Variants in CIAO1 observed in about 807,000 individuals in gnomAD.
CIAO1 encodes the protein probable cytosolic iron-sulfur protein assembly protein CIAO1.
Under a neutral mutation model 43.1 loss-of-function variants are expected in CIAO1, and 32 were observed. The observed-to-expected ratio is 0.74, with a 90% CI of 0.56 to 1.00. CIAO1 has a LOEUF of 1.00. Among genes scored for constraint, CIAO1 ranks in the 50% least tolerant of loss-of-function variants. The probability of loss-of-function intolerance (pLI) is 0.00; values close to 1 mark genes in which losing one functional copy is unlikely to be tolerated. For synonymous variants in CIAO1, 183 were observed against 171.4 expected (o/e 1.07, Z -0.53); for missense variants, 415 against 437.4 (o/e 0.95, Z 0.46).
chr2:96,266,564 A>C lies in CIAO1; in HGVS notation c.139+75A>C, dbSNP rs570603573. 5 of 1,296,268 alleles carry C rather than the reference A, an allele frequency of 3.9e-6. No individual in the cohort carries two copies. In the East Asian group the frequency reaches 1.5e-4, roughly 38 times the overall value. The allele number at this position is 1,296,268 out of a possible 1,614,324, so 80.3% of individuals were successfully genotyped here. ...CGCGTAGTGCAGGCGCTCAGCCTGC[A>C]GGGGAGGCTGAACCTGTTCCTGGCG... On this transcript the variant is annotated intron_variant, in intron 1 of 6. Transcript: ENST00000488633.
At position 96,266,509 on chromosome 2, in the gene CIAO1, C is replaced by G; in HGVS notation, c.139+20C>G. On this transcript the variant is annotated intron_variant, in intron 1 of 6. Transcript: ENST00000488633. ...CGGAGGGTAAGGCCCAGCCTGGTTG[C>G]GCGGCCCTCAGCGCTGAGGGCTCAG... The G allele has an allele frequency of 4.8e-6, 7 of 1,469,292 alleles. No individual in the cohort carries two copies. Among genetic ancestry groups the G allele is most frequent in the Non-Finnish European group, 6.4e-6 (7 of 1,097,522 alleles). The allele number at this position is 1,469,292 out of a possible 1,614,324, so 91.0% of individuals were successfully genotyped here. A position where few individuals can be genotyped will look rare whatever the true frequency, so the allele number is the denominator to read the frequency against.
chr2:96,270,233 G>A (rs774005098), intron 6 of CIAO1, among the ~76,000 whole-genome samples: 3 of 152,168 alleles, frequency 2.0e-5, no homozygotes, highest in South Asian at 2.1e-4. Context: ...GGGGCCAGGC[G>A]CTGTGGCTCA....
intron 6 of CIAO1, among the ~76,000 whole-genome samples, chr2:96,269,867 G>A (rs546821836): frequency 1.3e-5 from 2 of 152,036 alleles, no homozygotes; most frequent in East Asian, 2.0e-4. Context: ...GGATGGTCTC[G>A]ATCTCCTGAC....
At position 96,272,326 on chromosome 2, in the gene CIAO1, G is replaced by A. The variant is rs1684568653; in HGVS notation, c.*975G>A. On this transcript the variant is annotated 3_prime_UTR_variant, in exon 7 of 7. Coordinates refer to ENST00000488633, the MANE Select transcript of CIAO1 (RefSeq NM_004804.3). ...TAAGCTGTGACCTTAGATTTTAGAA[G>A]GACAGTGGGGCTGTACCTAGAATAG... is the stretch of plus-strand genomic sequence containing the variant. 1 of 152,242 alleles carries A rather than the reference G, an allele frequency of 6.6e-6. No homozygotes were observed. Among genetic ancestry groups the A allele is most frequent in the African/African-American group, 2.4e-5 (1 of 41,456 alleles). 9.4% of individuals were successfully genotyped at this position (152,242 alleles called of 1,614,324 possible). A position where few individuals can be genotyped will look rare whatever the true frequency, so the allele number is the denominator to read the frequency against.
Position 96,272,012 on chromosome 2 carries a change from C to G in CIAO1, c.*661C>G, listed in dbSNP as rs1684561212. Reference sequence around the variant, plus strand: ...TATTACTGGCCACAAGCCCTGTATTCTCAACAGGGATGCAAATTGGTTCTT... The same window carrying G: ...TATTACTGGCCACAAGCCCTGTATTGTCAACAGGGATGCAAATTGGTTCTT... On this transcript the variant is annotated 3_prime_UTR_variant, in exon 7 of 7. Coordinates refer to ENST00000488633, the MANE Select transcript of CIAO1 (RefSeq NM_004804.3). 1 of 152,190 alleles carries G rather than the reference C, an allele frequency of 6.6e-6. No homozygotes were observed. The highest frequency in any genetic ancestry group is 1.5e-5 in the Non-Finnish European group (1 of 68,074). The allele number at this position is 152,190 out of a possible 1,614,324, so 9.4% of individuals were successfully genotyped here.
Position 96,272,639 on chromosome 2 carries a change from C to T in CIAO1, c.*1288C>T, listed in dbSNP as rs961835266. 2.0e-5 allele frequency: 3 copies of T among 152,004 alleles called. No individual in the cohort carries two copies. The highest frequency in any genetic ancestry group is 1.5e-5 in the Non-Finnish European group (1 of 68,006). 9.4% of individuals were successfully genotyped at this position (152,004 alleles called of 1,614,324 possible). The stretch of plus-strand genomic sequence containing the variant: ...CAGCCTGACCAACATGGAGAAACCC[C>T]GTCTCTTCTAAAAATACAAAATTAG... On this transcript the variant is annotated 3_prime_UTR_variant, in exon 7 of 7. Transcript: ENST00000488633.
At chr2:96,268,301 G>C (rs965013162) in intron 4 of CIAO1, among the ~76,000 whole-genome samples, 156 bp from the exon 5 acceptor site, 2 of 152,248 alleles carry the variant, frequency 1.3e-5, no homozygotes, top group African/African-American at 4.8e-5. Flanking sequence ...ACGGTGAGCC[G>C]AGATCGTGCT....
At chr2:96,267,531 C>A in intron 2 of CIAO1, 62 bp downstream of exon 2, 1 of 1,609,062 alleles carries the variant, frequency 6.2e-7, no homozygotes, top group Admixed American at 1.7e-5. Flanking sequence ...GGTTCAGGAA[C>A]CTGAGCCAAC....
Position 96,266,470 on chromosome 2 carries a change from C to G in CIAO1, c.120C>G (p.Ile40Met). 5 of 1,547,380 alleles carry G rather than the reference C, an allele frequency of 3.2e-6. No individual in the cohort carries two copies. Among genetic ancestry groups the G allele is most frequent in the Non-Finnish European group, 4.4e-6 (5 of 1,140,090 alleles). Residue 40 changes from isoleucine (I) to methionine (M), a missense_variant, in exon 1 of 7, where the codon ATC becomes ATG. By Grantham distance (10) the Ile-to-Met change is conservative. Coordinates refer to ENST00000488633, the MANE Select transcript of CIAO1 (RefSeq NM_004804.3). ...LLASCGGDRR[I>M]RIWGTEGDSW... ...CCTCGTGCGGCGGCGACCGGAGAAT[C>G]CGCATCTGGGGCACGGAGGGTAAGG...
At chr2:96,267,134 C>CAAAAA (rs1183454827) in intron 1 of CIAO1, among the ~76,000 whole-genome samples, 187 bp from the exon 2 acceptor site, 4 of 36,796 alleles carry the variant, frequency 1.1e-4, no homozygotes, top group Non-Finnish European at 1.4e-4. Flanking sequence ...AACTCCGTCT[C>CAAAAA]AAAAAAAAAA....
rs1439956631 is a variant in CIAO1, at chr2:96,267,864, C to CA, written c.430dup (p.Ser144LysfsTer28). 4 of 1,613,996 alleles carry CA rather than the reference C, an allele frequency of 2.5e-6. No homozygotes were observed. The highest frequency in any genetic ancestry group is 3.3e-5 in the Admixed American group (2 of 59,998). On this transcript the variant is annotated frameshift_variant, in exon 4 of 7. Transcript: ENST00000488633. LOFTEE classifies it high-confidence loss of function. ...ATGAAGAGGATGAGTATGAATGTGT[C>CA]AGTGTTCTCAACTCCCACACACAGG...
rs1326655584 is a variant in CIAO1 at position 96,271,925 on chromosome 2, C to CTG, written c.*577_*578dup. ...TCATATACCTCCCTGCACCGTTACGCTGTGATGGCAACTGGGGATAGAAAA... is the reference window on the plus strand; with the variant it reads ...TCATATACCTCCCTGCACCGTTACGCTGTGTGATGGCAACTGGGGATAGAAAA... On this transcript the variant is annotated 3_prime_UTR_variant, in exon 7 of 7. Transcript: ENST00000488633. 1 of 152,328 alleles carries CTG rather than the reference C, an allele frequency of 6.6e-6. No homozygotes were observed. The highest frequency in any genetic ancestry group is 1.5e-5 in the Non-Finnish European group (1 of 68,186). 9.4% of individuals were successfully genotyped at this position (152,328 alleles called of 1,614,324 possible).
chr2:96,267,629 T>C lies in CIAO1; in HGVS notation c.293T>C (p.Val98Ala), dbSNP rs1320532646. The C allele has an allele frequency of 6.2e-7, 1 of 1,613,994 alleles. No individual in the cohort carries two copies. The highest frequency in any genetic ancestry group is 8.5e-7 in the Non-Finnish European group (1 of 1,179,890). ...WKKNQDDFEC[V>A]TTLEGHENEV... ...ATTTTCTTTCCCCTTTCACAGTGTG[T>C]AACCACTCTCGAGGGCCATGAAAAT... is the stretch of plus-strand genomic sequence containing the variant. Residue 98 changes from valine (V) to alanine (A), a missense_variant, in exon 3 of 7, where the codon GTA becomes GCA. By Grantham distance (64) the Val-to-Ala change is moderately conservative (BLOSUM62 0). Coordinates refer to ENST00000488633, the MANE Select transcript of CIAO1 (RefSeq NM_004804.3).
intron 6 of CIAO1, among the ~76,000 whole-genome samples, chr2:96,269,930 C>T (rs1471265176): frequency 6.6e-6 from 1 of 152,096 alleles, no homozygotes; most frequent in African/African-American, 2.4e-5. Context: ...CAGGCATGAG[C>T]CACCGCACCT....
chr2:96,267,101 C>A (rs1383182793), intron 1 of CIAO1, among the ~76,000 whole-genome samples: 1 of 147,418 alleles, frequency 6.8e-6, no homozygotes, highest in Non-Finnish European at 1.5e-5. Context: ...GCCATTGCAC[C>A]CCAGCCTGGG....
chr2:96,269,448 G>A, intron 6 of CIAO1, 93 bp downstream of exon 6: 1 of 1,234,026 alleles, frequency 8.1e-7, no homozygotes, highest in Non-Finnish European at 1.2e-6. Context: ...CCCTGGGGGA[G>A]TGCTTGGGAA....
intron 1 of CIAO1, 38 bp downstream of exon 1, chr2:96,266,527 G>C: frequency 5.0e-6 from 7 of 1,391,462 alleles, no homozygotes; most frequent in Non-Finnish European, 6.6e-6. Flanking sequence ...TCAGCGCTGA[G>C]GGCTCAGCCT....
chr2:96,267,635 C>A lies in CIAO1; in HGVS notation c.299C>A (p.Thr100Asn). ...KNQDDFECVT[T>N]LEGHENEVKS... ...TTTCCCCTTTCACAGTGTGTAACCA[C>A]TCTCGAGGGCCATGAAAATGAGGTC... Residue 100 changes from threonine (T) to asparagine (N), a missense_variant, in exon 3 of 7, where the codon ACT (threonine) becomes AAT (asparagine). By Grantham distance (65) the Thr-to-Asn change is moderately conservative. Transcript: ENST00000488633. The A allele has an allele frequency of 6.2e-7, 1 of 1,614,130 alleles. No homozygotes were observed. The highest frequency in any genetic ancestry group is 8.5e-7 in the Non-Finnish European group (1 of 1,179,986).
Position 96,268,613 on chromosome 2 carries a change from C to G in CIAO1, c.646C>G (p.Arg216Gly). ...GCGCCTGGCGTCTTGTAGTGATGAC[C>G]GTACTGTGCGTATCTGGCGTCAGTA... The part of the protein sequence containing the change: ...GQRLASCSDD[R>G]TVRIWRQYLP... The change falls in exon 5 of 7, where the codon CGT (arginine) becomes GGT (glycine). Residue 216 changes from arginine (R) to glycine (G), a missense_variant. Physicochemically the swap from Arg to Gly is moderately radical, Grantham distance 125. Coordinates refer to ENST00000488633, the MANE Select transcript of CIAO1 (RefSeq NM_004804.3). The G allele has an allele frequency of 1.2e-6, 2 of 1,614,186 alleles. No homozygotes were observed. Among genetic ancestry groups the G allele is most frequent in the Non-Finnish European group, 1.7e-6 (2 of 1,180,048 alleles).
Sources: gnomAD v4.1 joint callset for allele counts (sites outside exome capture counted in the v4.1 genomes callset) on GRCh38, gnomAD v4.1.1 for gene constraint, MANE v1.5 for transcripts, NCBI Gene and HGNC (gene_info 2026-07-23, HGNC 2026-07-21) for gene names.